GAB1: variants seen among roughly 807,000 people sequenced by gnomAD.
The protein encoded by GAB1 is GRB2 associated binding protein 1.
Under a neutral mutation model 66.5 loss-of-function variants are expected in GAB1, and 19 were observed. The observed-to-expected ratio is 0.29, with a 90% CI of 0.20 to 0.42. The LOEUF is 0.42. Among genes scored for constraint, GAB1 ranks in the 10% least tolerant of loss-of-function variants. The probability of loss-of-function intolerance (pLI) is 1.00; values close to 1 mark genes in which losing one functional copy is unlikely to be tolerated. For missense variants in GAB1, 732 were observed against 858.5 expected (o/e 0.85, Z 1.84); for synonymous variants, 294 against 301.4 (o/e 0.98, Z 0.25).
At chr4:143,363,735 A>T (rs1729756289) in intron 1 of GAB1, among the ~76,000 whole-genome samples, 1 of 152,182 alleles carries the variant, frequency 6.6e-6, no homozygotes, top group South Asian at 2.1e-4. Flanking sequence ...CAGTGGACAC[A>T]TGCAATTTTG....
intron 1 of GAB1, among the ~76,000 whole-genome samples, chr4:143,338,764 G>A (rs1406019469): frequency 4.0e-5 from 6 of 151,156 alleles, no homozygotes; most frequent in Non-Finnish European, 8.8e-5. Context: ...AAGGGGTAGG[G>A]AGATAAATAT....
intron 2 of GAB1, chr4:143,426,089 A>G: frequency 1.9e-6 from 1 of 521,862 alleles, no homozygotes; most frequent in Non-Finnish European, 3.4e-6. Context: ...CATGGAGTAT[A>G]GTAAAGATAA....
At chr4:143,390,211 A>G (rs144627184) in intron 1 of GAB1, among the ~76,000 whole-genome samples, 262 of 152,184 alleles carry the variant, frequency 1.7e-3, no homozygotes, top group African/African-American at 6.2e-3. Context: ...CTGCAGTCTG[A>G]TTTCTTTCAA....
At chr4:143,419,318 A>G (rs893117444) in intron 2 of GAB1, among the ~76,000 whole-genome samples, 6 of 152,116 alleles carry the variant, frequency 3.9e-5, no homozygotes, top group African/African-American at 1.4e-4. Flanking sequence ...AGTAGGAGGG[A>G]CAAATAATCC....
intron 2 of GAB1, among the ~76,000 whole-genome samples, chr4:143,418,065 G>A (rs2149721931): frequency 6.6e-6 from 1 of 152,338 alleles, no homozygotes; most frequent in Non-Finnish European, 1.5e-5. Flanking sequence ...AAAGGAGCCT[G>A]CCAGGGCTGG....
chr4:143,466,609 C>T (rs1454021510), intron 9 of GAB1, among the ~76,000 whole-genome samples: 2 of 150,600 alleles, frequency 1.3e-5, no homozygotes, highest in African/African-American at 2.4e-5. Context: ...CCTGCCTCAG[C>T]CTCCCAAATA....
rs1400142363 is a variant in GAB1, at chr4:143,354,437, T to C, written c.72+17177T>C. Among the ~76,000 whole-genome samples the C allele has an allele frequency of 2.0e-5, 3 of 152,170 alleles. No homozygotes were observed. The East Asian group carries it at 5.8e-4, about 29-fold the overall frequency. On this transcript the variant is annotated intron_variant, in intron 1 of 9. Transcript: ENST00000262994. The stretch of plus-strand genomic sequence containing the variant: ...GCATAACATTAAATAGCTATCCAAA[T>C]GCAACATTGAGAAATCACTTATAAA...
At chr4:143,345,416 A>C (rs1009334565) in intron 1 of GAB1, among the ~76,000 whole-genome samples, 1 of 152,232 alleles carries the variant, frequency 6.6e-6, no homozygotes, top group Non-Finnish European at 1.5e-5. Context: ...AATTAAAAAC[A>C]ACATACCAAG....
In GAB1 at chr4:143,415,593, T is replaced by C. The variant is rs1732637890; in HGVS notation, c.189T>C (p.Asn63=). 1 of 1,613,908 alleles carries C rather than the reference T, an allele frequency of 6.2e-7. No individual in the cohort carries two copies. Among genetic ancestry groups the C allele is most frequent in the Non-Finnish European group, 8.5e-7 (1 of 1,179,788 alleles). The change falls in exon 2 of 10, where the codon AAT becomes AAC. Residue 63 remains asparagine (N), a synonymous_variant. Transcript: ENST00000262994. ...AKKPIRIIDL[N]LCQQVDAGLT... Reference sequence around the variant, plus strand: ...AGCCTATTCGTATTATTGATTTAAATTTATGTCAACAAGTAGATGCTGGAT... The same window carrying C: ...AGCCTATTCGTATTATTGATTTAAACTTATGTCAACAAGTAGATGCTGGAT...
At chr4:143,371,266 T>C (rs1467669763) in intron 1 of GAB1, among the ~76,000 whole-genome samples, 1 of 152,152 alleles carries the variant, frequency 6.6e-6, no homozygotes, top group East Asian at 1.9e-4. Context: ...TGGTATCTCA[T>C]TGTGGTTTTG....
chr4:143,401,237 A>G (rs943533619), intron 1 of GAB1, among the ~76,000 whole-genome samples: 10 of 152,188 alleles, frequency 6.6e-5, no homozygotes, highest in African/African-American at 2.4e-4. Flanking sequence ...TCAGGTTACA[A>G]TGCTTAACAT....
intron 1 of GAB1, among the ~76,000 whole-genome samples, chr4:143,372,862 A>C (rs906571): frequency 6.6e-6 from 1 of 152,004 alleles, no homozygotes; most frequent in Admixed American, 6.5e-5. Flanking sequence ...TATGATGTCT[A>C]TACTCTTTAA....
intron 1 of GAB1, among the ~76,000 whole-genome samples, chr4:143,367,156 A>G (rs114023026): frequency 0.014 from 2,164 of 152,334 alleles, 16 homozygotes; most frequent in Non-Finnish European, 0.02. Flanking sequence ...AATGTAGGGT[A>G]AATTGGTAGT....
chr4:143,337,407 G>A, intron 1 of GAB1, 147 bp downstream of exon 1: 1 of 693,720 alleles, frequency 1.4e-6, no homozygotes, highest in South Asian at 1.8e-5. Flanking sequence ...CCCCTGGCGG[G>A]CTCGGGACAG....
intron 1 of GAB1, among the ~76,000 whole-genome samples, chr4:143,366,847 G>T (rs1729903102): frequency 1.3e-5 from 2 of 151,786 alleles, no homozygotes; most frequent in African/African-American, 2.4e-5. Flanking sequence ...AAATCACATG[G>T]TCCTCAAGAC....
intron 1 of GAB1, among the ~76,000 whole-genome samples, chr4:143,369,113 T>TA (rs1445330887): frequency 6.6e-6 from 1 of 152,142 alleles, no homozygotes; most frequent in Non-Finnish European, 1.5e-5. Context: ...GTAATTGTTT[T>TA]ATTTTTTAGT....
intron 2 of GAB1, among the ~76,000 whole-genome samples, chr4:143,422,174 C>T (rs1206603818): frequency 6.6e-6 from 1 of 151,882 alleles, no homozygotes; most frequent in Non-Finnish European, 1.5e-5. Flanking sequence ...CTTTGTAGAC[C>T]CTTATTTGCT....
intron 6 of GAB1, among the ~76,000 whole-genome samples, chr4:143,445,994 C>A (rs1578728733): frequency 6.6e-6 from 1 of 152,100 alleles, no homozygotes; most frequent in Non-Finnish European, 1.5e-5. Flanking sequence ...CTTCCTGTGT[C>A]CATCTGTTCT....
At position 143,433,410 on chromosome 4, in the gene GAB1, C is replaced by T. The variant is rs1171583880; in HGVS notation, c.368-81C>T. The T allele has an allele frequency of 2.4e-5, 23 of 942,632 alleles. No individual in the cohort carries two copies. The East Asian group carries it at 4.9e-4, about 20-fold the overall frequency. The allele number at this position is 942,632 out of a possible 1,614,324, so 58.4% of individuals were successfully genotyped here. On this transcript the variant is annotated intron_variant, in intron 2 of 9. Coordinates refer to ENST00000262994, the MANE Select transcript of GAB1 (RefSeq NM_002039.4). The stretch of plus-strand genomic sequence containing the variant: ...TTTATTCTGTTTTTGTGTGTTGAAA[C>T]AATTTGTCTCCAAAGTAGCTTTGTT...
Sources: gnomAD v4.1 joint callset for allele counts (sites outside exome capture counted in the v4.1 genomes callset) on GRCh38, gnomAD v4.1.1 for gene constraint, MANE v1.5 for transcripts, NCBI Gene and HGNC (gene_info 2026-07-23, HGNC 2026-07-21) for gene names.